Variants in CCNF observed in about 807,000 individuals in gnomAD.
The protein encoded by CCNF is cyclin F, also known as cyclin-F.
Under a neutral mutation model 85.4 loss-of-function variants are expected in CCNF, and 30 were observed. The observed-to-expected ratio is 0.35, with a 90% CI of 0.26 to 0.48. The LOEUF (loss-of-function observed/expected upper bound fraction) is 0.48. Ranked by LOEUF, CCNF falls within the 20% of genes least tolerant of loss-of-function variation. CCNF has a pLI of 0.99. For synonymous variants in CCNF, 439 were observed against 425.1 expected (o/e 1.03, Z -0.40); for missense variants, 919 against 1,010.4 (o/e 0.91, Z 1.23).
chr16:2,455,286 C>T, intron 15 of CCNF, 109 bp from the exon 16 acceptor site: 1 of 1,334,670 alleles, frequency 7.5e-7, no homozygotes, highest in Middle Eastern at 2.5e-4. Flanking sequence ...CCTTTGGGAG[C>T]ACGTGGTGAC....
rs551566151 is a variant in CCNF at position 2,440,841 on chromosome 16, C to A, written c.777+1015C>A. On this transcript the variant is annotated intron_variant, in intron 8 of 16. Transcript: ENST00000397066. Reference sequence around the variant, plus strand: ...TGATGGCTCACGCCTGCAATCCCAGCGCTGTAGGAGGTTGAGTTGGGAGGA... The same window carrying A: ...TGATGGCTCACGCCTGCAATCCCAGAGCTGTAGGAGGTTGAGTTGGGAGGA... 5.3e-5 allele frequency among the ~76,000 whole-genome samples: 8 copies of A among 152,252 alleles called. No individual in the cohort carries two copies. In the South Asian group the frequency reaches 1.5e-3, roughly 28 times the overall value.
At chr16:2,449,194 G>A (rs769214656) in intron 11 of CCNF, 88 bp from the exon 12 acceptor site, 39 of 1,527,504 alleles carry the variant, frequency 2.6e-5, no homozygotes, top group South Asian at 2.4e-4. Flanking sequence ...AACATCATCC[G>A]GGCCAGACCC....
intron 10 of CCNF, among the ~76,000 whole-genome samples, chr16:2,446,187 C>T (rs2065361458): frequency 6.6e-6 from 1 of 151,980 alleles, no homozygotes. Flanking sequence ...TCCTGGCATG[C>T]AGTCTCAGGA....
At chr16:2,444,982 TCGGG>T (rs2065353563) in intron 9 of CCNF, among the ~76,000 whole-genome samples, 1 of 59,410 alleles carries the variant, frequency 1.7e-5, no homozygotes, top group Admixed American at 1.8e-4. Flanking sequence ...AACCTCTGCC[TCGGG>T]CTCAAGCCTT....
At chr16:2,441,977 A>ATATATATC (rs1411330927) in intron 8 of CCNF, among the ~76,000 whole-genome samples, 12 of 95,850 alleles carry the variant, frequency 1.3e-4, no homozygotes, top group Non-Finnish European at 2.4e-4. Flanking sequence ...ATATATATAT[A>ATATATATC]TATATGTTTT....
chr16:2,445,766 C>T, intron 10 of CCNF, 144 bp downstream of exon 10: 4 of 784,548 alleles, frequency 5.1e-6, no homozygotes, highest in Non-Finnish European at 7.8e-6. Flanking sequence ...CTCGCTCTGT[C>T]ACCCAGGCTG....
intron 13 of CCNF, among the ~76,000 whole-genome samples, chr16:2,450,994 C>T (rs1279454010): frequency 6.6e-6 from 1 of 152,234 alleles, no homozygotes; most frequent in Non-Finnish European, 1.5e-5. Context: ...TGCCCCAGCC[C>T]CACTGGGCTT....
intron 8 of CCNF, among the ~76,000 whole-genome samples, chr16:2,441,991 T>TTTTGC (rs2065325655): frequency 8.3e-6 from 1 of 120,814 alleles, no homozygotes; most frequent in Non-Finnish European, 1.7e-5. Context: ...ATGTTTTTGT[T>TTTTGC]TTTGTTTTGT....
intron 3 of CCNF, among the ~76,000 whole-genome samples, chr16:2,433,968 T>A (rs1209968376): frequency 6.6e-6 from 1 of 152,232 alleles, no homozygotes; most frequent in Non-Finnish European, 1.5e-5. Context: ...ATGTATATAT[T>A]TCTTATTGAG....
chr16:2,443,174 A>C (rs1444647230), intron 8 of CCNF, among the ~76,000 whole-genome samples: 1 of 10,158 alleles, frequency 9.8e-5, no homozygotes, highest in Non-Finnish European at 1.4e-4. Context: ...TATAATATAT[A>C]TATAATATAT....
intron 10 of CCNF, among the ~76,000 whole-genome samples, chr16:2,446,071 G>C (rs1484051424): frequency 3.3e-5 from 5 of 152,308 alleles, no homozygotes; most frequent in Non-Finnish European, 5.9e-5. Context: ...GTCCCACCTG[G>C]TCAGACATGG....
Position 2,439,434 on chromosome 16 carries a change from T to C in CCNF, c.676T>C (p.Trp226Arg). Residue 226 changes from tryptophan (W) to arginine (R), a missense_variant, in exon 7 of 17, where the codon TGG becomes CGG. Coordinates refer to ENST00000397066, the MANE Select transcript of CCNF (RefSeq NM_001761.3). ...QGCLTSSYLL[W>R]ESDRRTDVSD... is the part of the protein sequence containing the mutation. The stretch of plus-strand genomic sequence containing the variant: ...ATGTCTGACCAGCTCCTACCTCCTC[T>C]GGGAAAGCGACAGGAGGACAGATGT... 2 of 1,610,658 alleles carry C rather than the reference T, an allele frequency of 1.2e-6. No individual in the cohort carries two copies. The highest frequency in any genetic ancestry group is 1.7e-6 in the Non-Finnish European group (2 of 1,178,812).
At chr16:2,436,766 C>T (rs553535827) in intron 4 of CCNF, 1 of 177,556 alleles carries the variant, frequency 5.6e-6, no homozygotes, top group East Asian at 1.5e-4. Context: ...TTCTCCTCGT[C>T]CCAAAAAGAA....
intron 10 of CCNF, among the ~76,000 whole-genome samples, chr16:2,447,794 C>T (rs764342076): frequency 6.6e-6 from 1 of 152,132 alleles, no homozygotes; most frequent in Non-Finnish European, 1.5e-5. Context: ...CCCCCCACCT[C>T]TGCTCTCAGA....
rs2065437564 is a variant in CCNF, at chr16:2,457,662, C to A, written c.*642C>A. ...CTGTCCCAGAGGCGTTCGTATGTGA[C>A]CCACAGATGGCGTCAATGTGAACAC... On this transcript the variant is annotated 3_prime_UTR_variant, in exon 17 of 17. Transcript: ENST00000397066. 1 of 152,272 alleles carries A rather than the reference C, an allele frequency of 6.6e-6. No homozygotes were observed. The highest frequency in any genetic ancestry group is 6.5e-5 in the Admixed American group (1 of 15,284). The allele number at this position is 152,272 out of a possible 1,614,324, so 9.4% of individuals were successfully genotyped here. A position where few individuals can be genotyped will look rare whatever the true frequency, so the allele number is the denominator to read the frequency against.
Position 2,449,933 on chromosome 16 carries a change from G to A in CCNF, c.1487+18G>A, listed in dbSNP as rs773151435. 7 of 1,576,210 alleles carry A rather than the reference G, an allele frequency of 4.4e-6. No homozygotes were observed. Among genetic ancestry groups the A allele is most frequent in the East Asian group, 2.2e-5 (1 of 44,712 alleles). ...AAGAAGTGGTGAGTTTTGGCCGGGC[G>A]CAGAGGCTCATGCCTGTAACCCCAG... On this transcript the variant is annotated intron_variant, in intron 13 of 16. Transcript: ENST00000397066.
At chr16:2,431,402 G>C in intron 2 of CCNF, 118 bp downstream of exon 2, 4 of 1,070,828 alleles carry the variant, frequency 3.7e-6, no homozygotes, top group Non-Finnish European at 5.4e-6. Flanking sequence ...GCAGAGGCCA[G>C]GCACGGTGGC....
chr16:2,442,872 A>G (rs1364089711), intron 8 of CCNF, among the ~76,000 whole-genome samples: 1 of 33,430 alleles, frequency 3.0e-5, no homozygotes, highest in Non-Finnish European at 4.1e-5. Flanking sequence ...TATTATATAT[A>G]TTATATTATA....
At position 2,441,970 on chromosome 16, in the gene CCNF, T is replaced by TC. The variant is rs1567385704; in HGVS notation, c.778-1679_778-1678insC. On this transcript the variant is annotated intron_variant, in intron 8 of 16. Coordinates refer to ENST00000397066, the MANE Select transcript of CCNF (RefSeq NM_001761.3). ...ATATATATATATATATATATATATA[T>TC]ATATATATATATGTTTTTGTTTTTG... 2.2e-5 allele frequency among the ~76,000 whole-genome samples: 3 copies of TC among 134,612 alleles called. No homozygotes were observed. In the East Asian group the frequency reaches 6.7e-4, roughly 30 times the overall value. 88.3% of individuals were successfully genotyped at this position (134,612 alleles called of 152,430 possible). A position where few individuals can be genotyped will look rare whatever the true frequency, so the allele number is the denominator to read the frequency against.
Sources: allele counts gnomAD v4.1 joint callset (sites outside exome capture counted in the v4.1 genomes callset), GRCh38; gene constraint gnomAD v4.1.1; transcripts MANE v1.5; gene names NCBI Gene and HGNC (gene_info 2026-07-23, HGNC 2026-07-21).